DOCK5: variants seen among roughly 807,000 people sequenced by gnomAD.
DOCK5 encodes dedicator of cytokinesis protein 5.
A neutral mutation model predicts 251.8 loss-of-function variants in DOCK5; 142 were observed. The ratio of observed to expected loss-of-function variants is 0.56; its 90% confidence interval spans 0.49 to 0.65. DOCK5 has a LOEUF of 0.65. Among genes scored for constraint, DOCK5 ranks in the 30% least tolerant of loss-of-function variants. The probability of loss-of-function intolerance (pLI) is 0.00; values close to 1 mark genes in which losing one functional copy is unlikely to be tolerated. For synonymous variants in DOCK5, 842 were observed against 835.5 expected, an observed-to-expected ratio of 1.01 and a Z score of -0.13; for missense variants, 2,111 against 2,312.3, an observed-to-expected ratio of 0.91 and a Z score of 1.79.
At chr8:25,391,092 A>G (rs1342544627) in intron 42 of DOCK5, among the ~76,000 whole-genome samples, 1 of 152,052 alleles carries the variant, frequency 6.6e-6, no homozygotes, top group Non-Finnish European at 1.5e-5. Flanking sequence ...CTAGGCTGGC[A>G]TGCAGTGGCA....
At chr8:25,273,905 A>G (rs1015742424) in intron 3 of DOCK5, among the ~76,000 whole-genome samples, 1 of 152,144 alleles carries the variant, frequency 6.6e-6, no homozygotes, top group African/African-American at 2.4e-5. Flanking sequence ...TCTTGGTCTC[A>G]TCAGTAACGG....
At chr8:25,199,385 T>TC (rs926083092) in intron 1 of DOCK5, among the ~76,000 whole-genome samples, 2 of 148,552 alleles carry the variant, frequency 1.3e-5, no homozygotes, top group African/African-American at 5.0e-5. Context: ...CTGTTCTTTT[T>TC]TTTTTTTTTT....
chr8:25,217,844 A>T (rs1457627145), intron 1 of DOCK5, among the ~76,000 whole-genome samples: 1 of 152,214 alleles, frequency 6.6e-6, no homozygotes, highest in Admixed American at 6.5e-5. Context: ...AGAATGGGAC[A>T]TGTTAGTAAC....
chr8:25,251,888 C>G (rs1803280491), intron 2 of DOCK5, among the ~76,000 whole-genome samples: 2 of 151,714 alleles, frequency 1.3e-5, no homozygotes, highest in Admixed American at 6.6e-5. Flanking sequence ...ACTTAGGAGA[C>G]TGAGGCACAA....
At chr8:25,282,530 G>C (rs1804222415) in intron 5 of DOCK5, among the ~76,000 whole-genome samples, 2 of 151,990 alleles carry the variant, frequency 1.3e-5, no homozygotes, top group Non-Finnish European at 2.9e-5. Context: ...ATTTCCCCCT[G>C]TAGATTACAA....
intron 29 of DOCK5, among the ~76,000 whole-genome samples, chr8:25,364,149 TAG>T (rs1278700804): frequency 6.6e-6 from 1 of 152,202 alleles, no homozygotes; most frequent in Non-Finnish European, 1.5e-5. Flanking sequence ...AAAAGAGTGT[TAG>T]AGTTTAATGA....
intron 5 of DOCK5, among the ~76,000 whole-genome samples, chr8:25,288,275 A>G (rs1313122287): frequency 2.0e-5 from 3 of 152,182 alleles, no homozygotes; most frequent in Non-Finnish European, 4.4e-5. Flanking sequence ...GGGACCAACT[A>G]TTATGTGAAA....
chr8:25,397,953 C>T (rs1021120086), intron 45 of DOCK5, among the ~76,000 whole-genome samples: 3 of 152,162 alleles, frequency 2.0e-5, no homozygotes, highest in African/African-American at 7.2e-5. Flanking sequence ...ACTCATTAAT[C>T]ACCATGATGT....
chr8:25,351,965 A>G, intron 27 of DOCK5, 139 bp downstream of exon 27: 2 of 636,046 alleles, frequency 3.1e-6, no homozygotes, highest in Non-Finnish European at 5.5e-6. Flanking sequence ...TTATAACCTT[A>G]GCAGATCTTG....
chr8:25,328,297 C>T (rs1405358299), intron 18 of DOCK5, among the ~76,000 whole-genome samples: 2 of 152,052 alleles, frequency 1.3e-5, no homozygotes, highest in Non-Finnish European at 2.9e-5. Context: ...CAAACCTTGT[C>T]TGAGTCAGAG....
chr8:25,232,260 G>GTTT (rs368769608), intron 1 of DOCK5, among the ~76,000 whole-genome samples: 47,887 of 151,900 alleles, frequency 0.32, 10,414 homozygotes, highest in African/African-American at 0.62. Flanking sequence ...CCTCTTGGGA[G>GTTT]GATTCTGCAA....
chr8:25,249,216 G>A (rs559195850), intron 2 of DOCK5, among the ~76,000 whole-genome samples: 1 of 152,224 alleles, frequency 6.6e-6, no homozygotes, highest in East Asian at 1.9e-4. Flanking sequence ...GCCCTAGCTG[G>A]TCTGGAACTC....
chr8:25,261,840 A>G (rs773419120), intron 2 of DOCK5, among the ~76,000 whole-genome samples: 2 of 152,172 alleles, frequency 1.3e-5, no homozygotes, highest in African/African-American at 2.4e-5. Flanking sequence ...AGTCAACTTC[A>G]TATCAGTGGA....
intron 37 of DOCK5, chr8:25,375,791 G>T (rs893549645): frequency 2.4e-5 from 24 of 985,342 alleles, no homozygotes; most frequent in South Asian, 4.7e-5. Context: ...TAAGTTTAGG[G>T]CATTAAAAAG....
chr8:25,218,996 A>G (rs1459210624), intron 1 of DOCK5, among the ~76,000 whole-genome samples: 6 of 152,164 alleles, frequency 3.9e-5, no homozygotes, highest in Admixed American at 1.3e-4. Flanking sequence ...CTTTTTAAAG[A>G]GGATTCTTTT....
At position 25,325,452 on chromosome 8, in the gene DOCK5, C is replaced by G. The variant is rs1261294809; in HGVS notation, c.1808C>G (p.Ser603Cys). 1 of 1,613,336 alleles carries G rather than the reference C, an allele frequency of 6.2e-7. No homozygotes were observed. The highest frequency in any genetic ancestry group is 8.5e-7 in the Non-Finnish European group (1 of 1,179,448). Reference sequence around the variant, plus strand: ...ATGGAAGAAAAAGAGCTTCAAGCATCCAAAAACCTGGTCACCTTCACCCCA... The same window carrying G: ...ATGGAAGAAAAAGAGCTTCAAGCATGCAAAAACCTGGTCACCTTCACCCCA... ...MEMEEKELQA[S>C]KNLVTFTPSK... Residue 603 changes from serine (S) to cysteine (C), a missense_variant, in exon 18 of 52, where the codon TCC becomes TGC. Ser to Cys is a moderately radical substitution (Grantham distance 112). Around this residue, in one of 3 missense-constraint regions of DOCK5, gnomAD observed 1,717 missense variants for 1,892.4 expected, o/e 0.91. Coordinates refer to ENST00000276440, the MANE Select transcript of DOCK5 (RefSeq NM_024940.8).
In DOCK5 at chr8:25,411,238, C is replaced by A. The variant is rs930189920; in HGVS notation, c.5553C>A (p.Pro1851=). 2 of 1,591,942 alleles carry A rather than the reference C, an allele frequency of 1.3e-6. No homozygotes were observed. Among genetic ancestry groups the A allele is most frequent in the Non-Finnish European group, 8.5e-7 (1 of 1,170,914 alleles). ...LPVRREAKAP[P]PPPPKARKSG... is the part of the protein sequence containing the mutation. The stretch of plus-strand genomic sequence containing the variant: ...TCCGAAGAGAAGCCAAAGCACCACC[C>A]CCTCCACCTCCAAAGGCTCGGAAGT... Residue 1851 remains proline, a synonymous_variant, in exon 52 of 52, where the codon CCC becomes CCA. Transcript: ENST00000276440.
At chr8:25,358,868 TG>T in intron 27 of DOCK5, 94 bp from the exon 28 acceptor site, 1 of 1,050,706 alleles carries the variant, frequency 9.5e-7, no homozygotes, top group Non-Finnish European at 1.5e-6. Flanking sequence ...CGTGGCTCAG[TG>T]GGTGGGAAAA....
At chr8:25,382,643 T>C (rs928295113) in intron 39 of DOCK5, 31 bp from the exon 40 acceptor site, 1 of 1,536,562 alleles carries the variant, frequency 6.5e-7, no homozygotes, top group Non-Finnish European at 8.9e-7. Flanking sequence ...ACTTATAACC[T>C]CCCCTTGGAA....
Sources: gnomAD v4.1 joint callset for allele counts (sites outside exome capture counted in the v4.1 genomes callset) on GRCh38, gnomAD v4.1.1 for gene constraint, gnomAD v4.1.1 regional missense constraint, MANE v1.5 for transcripts, NCBI Gene and HGNC (gene_info 2026-07-23, HGNC 2026-07-21) for gene names.